RPTOR: variants seen among roughly 807,000 people sequenced by gnomAD.
RPTOR encodes the protein regulatory associated protein of MTOR complex 1.
A neutral mutation model predicts 169.9 loss-of-function variants in RPTOR; 21 were observed. That is an observed-to-expected ratio of 0.12 (90% CI 0.09 to 0.18). The LOEUF is 0.18. RPTOR is among the 10% of genes least tolerant of loss of function. RPTOR has a pLI of 1.00. For missense variants in RPTOR, 1,133 were observed against 1,855.9 expected, an observed-to-expected ratio of 0.61 and a Z score of 7.16; for synonymous variants, 732 against 753.2, an observed-to-expected ratio of 0.97 and a Z score of 0.46.
At chr17:80,962,773 G>A (rs919231783) in intron 32 of RPTOR, among the ~76,000 whole-genome samples, 155 bp from the exon 33 acceptor site, 3 of 152,156 alleles carry the variant, frequency 2.0e-5, no homozygotes, top group Admixed American at 6.5e-5. Context: ...TGCCAGGCCC[G>A]AGTCCTCAGT....
At chr17:80,836,864 G>A (rs2067569754) in intron 9 of RPTOR, among the ~76,000 whole-genome samples, 2 of 152,198 alleles carry the variant, frequency 1.3e-5, no homozygotes, top group African/African-American at 4.8e-5. Context: ...GGAGGTGTGA[G>A]GTCCAATTCA....
intron 1 of RPTOR, among the ~76,000 whole-genome samples, chr17:80,596,088 G>T (rs75408511): frequency 6.6e-6 from 1 of 152,166 alleles, no homozygotes; most frequent in Non-Finnish European, 1.5e-5. Context: ...AGAAATGCAC[G>T]TTGGAAAACA....
chr17:80,614,044 T>C (rs1442144209), intron 1 of RPTOR, among the ~76,000 whole-genome samples: 1 of 152,202 alleles, frequency 6.6e-6, no homozygotes, highest in Admixed American at 6.5e-5. Context: ...GGGCCTTTCA[T>C]TGTCCTGTCC....
chr17:80,551,535 A>G (rs2084345562), intron 1 of RPTOR, among the ~76,000 whole-genome samples: 1 of 152,260 alleles, frequency 6.6e-6, no homozygotes, highest in African/African-American at 2.4e-5. Context: ...ATGCATACAC[A>G]TAAATATCTC....
intron 1 of RPTOR, among the ~76,000 whole-genome samples, chr17:80,582,729 A>G (rs1465797056): frequency 6.7e-6 from 1 of 150,134 alleles, no homozygotes; most frequent in Non-Finnish European, 1.5e-5. Flanking sequence ...TATTTTCAAT[A>G]GAGACGGGGT....
chr17:80,710,317 CT>C (rs988346250), intron 4 of RPTOR, among the ~76,000 whole-genome samples: 5 of 151,872 alleles, frequency 3.3e-5, no homozygotes, highest in African/African-American at 1.2e-4. Context: ...TTTATTTGTC[CT>C]TCTTGTCTTG....
intron 7 of RPTOR, among the ~76,000 whole-genome samples, chr17:80,804,118 TAGG>T (rs1304088153): frequency 1.3e-5 from 2 of 152,312 alleles, no homozygotes; most frequent in South Asian, 4.1e-4. Context: ...CTGAGGCACT[TAGG>T]AGCTTGATGG....
At chr17:80,619,446 G>A (rs961321768) in intron 1 of RPTOR, among the ~76,000 whole-genome samples, 3 of 152,300 alleles carry the variant, frequency 2.0e-5, no homozygotes, top group Non-Finnish European at 4.4e-5. Context: ...GAAGACTCTA[G>A]TAAGGAAATC....
At chr17:80,669,220 G>C (rs1355986844) in intron 3 of RPTOR, among the ~76,000 whole-genome samples, 1 of 152,208 alleles carries the variant, frequency 6.6e-6, no homozygotes, top group African/African-American at 2.4e-5. Flanking sequence ...CAGGCCACTG[G>C]TCCTGGCCTG....
intron 2 of RPTOR, among the ~76,000 whole-genome samples, chr17:80,643,041 A>G (rs2065565758): frequency 6.6e-6 from 1 of 152,244 alleles, no homozygotes; most frequent in East Asian, 1.9e-4. Flanking sequence ...GAAGAAAAAT[A>G]TTTAAAAAAT....
At chr17:80,795,231 A>G (rs992042038) in intron 7 of RPTOR, among the ~76,000 whole-genome samples, 5 of 152,226 alleles carry the variant, frequency 3.3e-5, no homozygotes, top group African/African-American at 1.2e-4. Flanking sequence ...CTACAGCAGC[A>G]TGCTCTGTTG....
chr17:80,887,860 T>C (rs1194284940), intron 17 of RPTOR, among the ~76,000 whole-genome samples: 1 of 145,930 alleles, frequency 6.9e-6, no homozygotes, highest in Non-Finnish European at 1.5e-5. Context: ...AAATTCAGCT[T>C]AGCCCCCAAA....
chr17:80,639,257 T>C (rs2065533256), intron 2 of RPTOR, among the ~76,000 whole-genome samples: 2 of 150,836 alleles, frequency 1.3e-5, no homozygotes, highest in Admixed American at 1.3e-4. Context: ...TTGCACTTCA[T>C]CTAGTAGGCA....
rs932245017 is a variant in RPTOR, at chr17:80,721,291, G to C, written c.508-9269G>C. ...CAGCACAGGCAGCACTGTGGAAACT[G>C]TTCTCACGACTGTGAGTCATTGAGG... is the stretch of plus-strand genomic sequence containing the variant. On this transcript the variant is annotated intron_variant, in intron 4 of 33. Coordinates refer to ENST00000306801, the MANE Select transcript of RPTOR (RefSeq NM_020761.3). This position sits in a 1 kb window ranked among gnomAD's most constrained non-coding sequence, Gnocchi z 4.7. Among the ~76,000 whole-genome samples the C allele has an allele frequency of 6.6e-6, 1 of 151,380 alleles. No homozygotes were observed. Among genetic ancestry groups the C allele is most frequent in the Non-Finnish European group, 1.5e-5 (1 of 68,032 alleles).
intron 1 of RPTOR, among the ~76,000 whole-genome samples, chr17:80,582,442 C>G (rs555613922): frequency 6.6e-6 from 1 of 152,116 alleles, no homozygotes; most frequent in South Asian, 2.1e-4. Context: ...GACGCAGATC[C>G]TGCTTCCCTG....
rs952156095 is a variant in RPTOR, at chr17:80,738,307, G to A, written c.654+7601G>A. Reference sequence around the variant, plus strand: ...GCCGTTTCATCCATCTTTAGTCTGCGCAGCTGAGCTGAATGTGGCCGCCAA... The same window carrying A: ...GCCGTTTCATCCATCTTTAGTCTGCACAGCTGAGCTGAATGTGGCCGCCAA... On this transcript the variant is annotated intron_variant, in intron 5 of 33. Coordinates refer to ENST00000306801, the MANE Select transcript of RPTOR (RefSeq NM_020761.3). Among the ~76,000 whole-genome samples the A allele has an allele frequency of 6.6e-5, 10 of 152,246 alleles. No homozygotes were observed. In the East Asian group the frequency reaches 1.9e-3, roughly 29 times the overall value.
intron 2 of RPTOR, among the ~76,000 whole-genome samples, chr17:80,639,168 A>G (rs1043703336): frequency 1.3e-5 from 2 of 151,790 alleles, no homozygotes; most frequent in African/African-American, 2.4e-5. Context: ...GCTATTATGT[A>G]TTTTCTCAGT....
intron 7 of RPTOR, among the ~76,000 whole-genome samples, chr17:80,795,341 T>C (rs1239547266): frequency 6.6e-6 from 1 of 152,198 alleles, no homozygotes; most frequent in African/African-American, 2.4e-5. Context: ...GGGATGTTAG[T>C]CATTTTCATC....
chr17:80,805,996 C>A (rs1296379376), intron 7 of RPTOR, among the ~76,000 whole-genome samples: 3 of 152,186 alleles, frequency 2.0e-5, no homozygotes, highest in Non-Finnish European at 4.4e-5. Context: ...ACTAGGGGAA[C>A]CATTAAATAC....
Sources: allele counts gnomAD v4.1 joint callset (sites outside exome capture counted in the v4.1 genomes callset), GRCh38; gene constraint gnomAD v4.1.1; non-coding constraint Gnocchi (gnomAD v3.1); transcripts MANE v1.5; gene names NCBI Gene and HGNC (gene_info 2026-07-23, HGNC 2026-07-21).